KLHL20: variants seen among roughly 807,000 people sequenced by gnomAD.
KLHL20 encodes kelch-like protein 20.
A neutral mutation model predicts 69.5 loss-of-function variants in KLHL20; 29 were observed. The ratio of observed to expected loss-of-function variants is 0.42; its 90% CI spans 0.31 to 0.57. The LOEUF is 0.57. Ranked by LOEUF, KLHL20 falls within the 20% of genes least tolerant of loss-of-function variation. The pLI, the probability that KLHL20 is intolerant of heterozygous loss-of-function variation, is 0.18. For synonymous variants in KLHL20, 253 were observed against 265.2 expected (o/e 0.95, Z 0.45); for missense variants, 419 against 776.0 (o/e 0.54, Z 5.47).
chr1:173,757,860 CATA>C (rs1425057739), intron 7 of KLHL20, among the ~76,000 whole-genome samples: 4 of 152,020 alleles, frequency 2.6e-5, no homozygotes, highest in African/African-American at 9.7e-5. Context: ...TGTGTTTCAC[CATA>C]ATATCTATCG....
At chr1:173,770,917 C>T (rs1648052295) in intron 8 of KLHL20, among the ~76,000 whole-genome samples, 2 of 151,980 alleles carry the variant, frequency 1.3e-5, no homozygotes, top group Non-Finnish European at 2.9e-5. Context: ...TGACCCAGAA[C>T]ACCAAGACAT....
intron 7 of KLHL20, among the ~76,000 whole-genome samples, chr1:173,763,519 G>A (rs1443269415): frequency 6.6e-6 from 1 of 152,140 alleles, no homozygotes; most frequent in African/African-American, 2.4e-5. Context: ...AAACAGTGTG[G>A]TACTGGTATA....
intron 2 of KLHL20, among the ~76,000 whole-genome samples, chr1:173,730,376 G>C (rs1672207340): frequency 6.6e-6 from 1 of 151,848 alleles, no homozygotes; most frequent in Non-Finnish European, 1.5e-5. Flanking sequence ...CTACTTTAAA[G>C]TTCATATGGA....
intron 9 of KLHL20, 50 bp from the exon 10 acceptor site, chr1:173,775,584 T>C (rs1442855320): frequency 6.8e-7 from 1 of 1,471,188 alleles, no homozygotes; most frequent in Non-Finnish European, 9.5e-7. Flanking sequence ...AAACTGGAGG[T>C]GAGAGGAAAT....
intron 2 of KLHL20, among the ~76,000 whole-genome samples, chr1:173,725,146 A>G (rs569520598): frequency 3.3e-5 from 5 of 152,092 alleles, no homozygotes; most frequent in Non-Finnish European, 5.9e-5. Flanking sequence ...AGAAATTTGG[A>G]TAATACATAA....
At chr1:173,761,954 A>G (rs1647334515) in intron 7 of KLHL20, among the ~76,000 whole-genome samples, 1 of 152,150 alleles carries the variant, frequency 6.6e-6, no homozygotes, top group African/African-American at 2.4e-5. Context: ...TTGAAAAGAT[A>G]AATAAAATTG....
At chr1:173,748,289 CATTTT>C (rs1207632120) in intron 3 of KLHL20, among the ~76,000 whole-genome samples, 1 of 152,096 alleles carries the variant, frequency 6.6e-6, no homozygotes, top group Non-Finnish European at 1.5e-5. Flanking sequence ...GTTACCAACT[CATTTT>C]ATAAGGCCAG....
chr1:173,778,946 A>C (rs1489107989), intron 10 of KLHL20, among the ~76,000 whole-genome samples: 1 of 151,206 alleles, frequency 6.6e-6, no homozygotes, highest in African/African-American at 2.4e-5. Context: ...TTTCACTTAA[A>C]TTTCATTAAT....
At chr1:173,761,451 A>T (rs1395979130) in intron 7 of KLHL20, among the ~76,000 whole-genome samples, 2 of 152,336 alleles carry the variant, frequency 1.3e-5, no homozygotes, top group South Asian at 2.1e-4. Flanking sequence ...TCAACAGCTC[A>T]TGGAACTTTC....
In KLHL20 at chr1:173,734,285, AGGTGAGTTGCACTT is replaced by A; in HGVS notation, c.597+4_597+17del. 1 of 1,614,116 alleles carries A rather than the reference AGGTGAGTTGCACTT, an allele frequency of 6.2e-7. No homozygotes were observed. The highest frequency in any genetic ancestry group is 8.5e-7 in the Non-Finnish European group (1 of 1,179,950). ...AAGTTCACCCAACATAACTTTCAAG[AGGTGAGTTGCACTT>A]GGTGTTCCAATGCACCCATTTGTTG... On this transcript the variant is annotated splice_donor_variant and splice_donor_5th_base_variant and coding_sequence_variant and intron_variant, in exon 3 of 12. Coordinates refer to ENST00000209884, the MANE Select transcript of KLHL20 (RefSeq NM_014458.4). LOFTEE classifies it high-confidence loss of function.
chr1:173,743,091 A>G (rs1283001553), intron 3 of KLHL20, among the ~76,000 whole-genome samples: 2 of 147,776 alleles, frequency 1.4e-5, no homozygotes, highest in African/African-American at 5.1e-5. Flanking sequence ...CAATGGAAAA[A>G]TAAGCATAGG....
chr1:173,777,590 T>C (rs561072293), intron 10 of KLHL20, among the ~76,000 whole-genome samples: 24 of 152,356 alleles, frequency 1.6e-4, no homozygotes, highest in African/African-American at 5.3e-4. Context: ...GTTCCCTCTG[T>C]ACCCAGTTTT....
At position 173,748,736 on chromosome 1, in the gene KLHL20, C is replaced by T. The variant is rs180968132; in HGVS notation, c.598-3028C>T. Among the ~76,000 whole-genome samples, 111 of 151,594 alleles carry T rather than the reference C, an allele frequency of 7.3e-4. 1 individual carries two copies. Among genetic ancestry groups the T allele is most frequent in the African/African-American group, 2.5e-3 (102 of 41,096 alleles). On this transcript the variant is annotated intron_variant, in intron 3 of 11. Transcript: ENST00000209884. ...CACATTGTGCACATGTACCCTAAAA[C>T]TTAAAGTATAATTTAAAAAATCAGA...
intron 2 of KLHL20, among the ~76,000 whole-genome samples, chr1:173,716,900 G>T (rs1387409206): frequency 6.6e-6 from 1 of 152,106 alleles, no homozygotes; most frequent in Non-Finnish European, 1.5e-5. Flanking sequence ...TCTGTTATTG[G>T]TTTATCAATT....
At chr1:173,719,411 G>A (rs1466358098) in intron 2 of KLHL20, among the ~76,000 whole-genome samples, 2 of 151,972 alleles carry the variant, frequency 1.3e-5, no homozygotes, top group African/African-American at 4.8e-5. Flanking sequence ...AAGAGATCGA[G>A]ACCATCCTGG....
rs780315413 is a variant in KLHL20 at position 173,733,721 on chromosome 1, A to G, written c.32A>G (p.Asn11Ser). The part of the protein sequence containing the change: MEGKPMRRCT[N>S]IRPGETGMDV... ...CCCCATCATTCCTATAGGTGTACCA[A>G]CATTCGACCAGGAGAGACTGGAATG... Residue 11 changes from asparagine (N) to serine (S), a missense_variant, in exon 3 of 12, where the codon AAC becomes AGC. Asn to Ser is a conservative substitution (Grantham distance 46). Transcript: ENST00000209884. 30 of 1,611,968 alleles carry G rather than the reference A, an allele frequency of 1.9e-5. No homozygotes were observed. Among genetic ancestry groups the G allele is most frequent in the South Asian group, 3.3e-5 (3 of 90,884 alleles).
At position 173,756,046 on chromosome 1, in the gene KLHL20, T is replaced by C; in HGVS notation, c.967+8T>C. 1.9e-6 allele frequency: 3 copies of C among 1,576,746 alleles called. No individual in the cohort carries two copies. Among genetic ancestry groups the C allele is most frequent in the Non-Finnish European group, 2.6e-6 (3 of 1,147,006 alleles). ...GGGAAGTACTCTTTGCAGGTTTGGATCTTAATATACTGTTAGTAAATTGAG... is the reference window on the plus strand; with the variant it reads ...GGGAAGTACTCTTTGCAGGTTTGGACCTTAATATACTGTTAGTAAATTGAG... On this transcript the variant is annotated splice_region_variant and intron_variant, in intron 6 of 11. Transcript: ENST00000209884.
intron 2 of KLHL20, among the ~76,000 whole-genome samples, chr1:173,726,800 A>C (rs1211321624): frequency 6.6e-6 from 1 of 152,212 alleles, no homozygotes; most frequent in Admixed American, 6.5e-5. Flanking sequence ...AGATGGGGAA[A>C]AAACAGAGCA....
intron 3 of KLHL20, 176 bp downstream of exon 3, chr1:173,734,462 T>C: frequency 1.6e-6 from 1 of 633,258 alleles, no homozygotes; most frequent in Non-Finnish European, 2.8e-6. Flanking sequence ...TTTTGTGTTC[T>C]ACCAGCAAGT....
Sources: allele counts gnomAD v4.1 joint callset (sites outside exome capture counted in the v4.1 genomes callset), GRCh38; gene constraint gnomAD v4.1.1; transcripts MANE v1.5; gene names NCBI Gene and HGNC (gene_info 2026-07-23, HGNC 2026-07-21).